The following MFSD12 variants were observed in gnomAD, a reference collection of about 807,000 sequenced individuals.
The protein encoded by MFSD12 is major facilitator superfamily domain containing 12.
A neutral mutation model predicts 51.2 loss-of-function variants in MFSD12; 67 were observed. The ratio of observed to expected loss-of-function variants is 1.31; its 90% CI spans 1.08 to 1.60. The LOEUF is 1.60. Ranked by LOEUF, MFSD12 falls within the 40% of genes most tolerant of loss-of-function variation. The pLI is 0.00. For synonymous variants in MFSD12, 441 were observed against 316.7 expected (o/e 1.39, Z -4.17); for missense variants, 921 against 673.0 (o/e 1.37, Z -4.08).
chr19:3,555,803 C>A (rs1236632636), intron 1 of MFSD12, among the ~76,000 whole-genome samples: 1 of 152,210 alleles, frequency 6.6e-6, no homozygotes, highest in Non-Finnish European at 1.5e-5. Context: ...GCTGAAATGC[C>A]ACATGTGTCC....
downstream of MFSD12, chr19:3,543,258 G>A (rs1237828990): frequency 6.5e-7 from 1 of 1,546,442 alleles, no homozygotes; most frequent in African/African-American, 1.4e-5. Context: ...TCCCTGGAGG[G>A]TTCCCGCTGG....
intron 6 of MFSD12, 53 bp from the exon 7 acceptor site, chr19:3,546,478 G>T (rs920905814): frequency 5.2e-6 from 8 of 1,543,604 alleles, no homozygotes; most frequent in Non-Finnish European, 6.1e-6. Context: ...CCCCAAGCCT[G>T]GCGCTTCAAT....
chr19:3,546,437 G>T lies in MFSD12; in HGVS notation c.1024-12C>A. 1.3e-6 allele frequency: 2 copies of T among 1,597,898 alleles called. No individual in the cohort carries two copies. The highest frequency in any genetic ancestry group is 1.7e-6 in the Non-Finnish European group (2 of 1,173,172). The stretch of plus-strand genomic sequence containing the variant: ...GAGAAGTAGGTCATCTGCAGGGACA[G>T]CCCCGGGGTCAGGCCCACACCACTG... On this transcript the variant is annotated splice_polypyrimidine_tract_variant and intron_variant, in intron 6 of 9. Coordinates refer to ENST00000355415, the MANE Select transcript of MFSD12 (RefSeq NM_174983.5).
At chr19:3,543,976 G>A (rs201115234), downstream of MFSD12, 812 of 1,548,738 alleles carry the variant, frequency 5.2e-4, 1 homozygote, top group Non-Finnish European at 6.6e-4. Context: ...ACCTGCCAGC[G>A]GTCCCCGCCT....
intron 8 of MFSD12, 146 bp from the exon 9 acceptor site, chr19:3,545,085 TC>T: frequency 9.1e-7 from 1 of 1,095,062 alleles, no homozygotes; most frequent in South Asian, 1.6e-5. Flanking sequence ...CTCCCTCCTG[TC>T]CCACACCCAA....
downstream of MFSD12, chr19:3,542,666 A>G: frequency 8.7e-7 from 1 of 1,146,068 alleles, no homozygotes. Context: ...TATTTTTAGT[A>G]GAGATGGGGT....
At chr19:3,543,146 C>T (rs1436673663), downstream of MFSD12, 2 of 1,513,238 alleles carry the variant, frequency 1.3e-6, no homozygotes, top group Admixed American at 2.0e-5. Context: ...GGCCAGGCCT[C>T]TACATCATCC....
intron 1 of MFSD12, among the ~76,000 whole-genome samples, chr19:3,554,448 AAC>A (rs1279400310): frequency 7.2e-6 from 1 of 139,662 alleles, no homozygotes; most frequent in African/African-American, 2.6e-5. Flanking sequence ...ACAACAACAA[AAC>A]AAAAAAAAAA....
At chr19:3,548,854 G>A (rs565642737) in intron 2 of MFSD12, among the ~76,000 whole-genome samples, 19 of 152,356 alleles carry the variant, frequency 1.2e-4, no homozygotes, top group Admixed American at 3.3e-4. Flanking sequence ...CAGGGGCCCT[G>A]GGCATTGGGC....
chr19:3,557,240 G>C lies in MFSD12; in HGVS notation c.164C>G (p.Ser55Cys), dbSNP rs913056015. 6.3e-7 allele frequency: 1 copy of C among 1,593,782 alleles called. No individual in the cohort carries two copies. Among genetic ancestry groups the C allele is most frequent in the Non-Finnish European group, 8.5e-7 (1 of 1,172,072 alleles). Reference sequence around the variant, plus strand: ...CAGCAGCAGCAGCCCCGCGCCGCGGGAGCTGTAGGCGCGCACCGAGTGCAG... The same window carrying C: ...CAGCAGCAGCAGCCCCGCGCCGCGGCAGCTGTAGGCGCGCACCGAGTGCAG... ...LYLHSVRAYS[S>C]RGAGLLLLLG... Residue 55 changes from serine (S) to cysteine (C), a missense_variant, in exon 1 of 10, where the codon TCC becomes TGC. Coordinates refer to ENST00000355415, the MANE Select transcript of MFSD12 (RefSeq NM_174983.5).
Position 3,551,252 on chromosome 19 carries a change from G to T in MFSD12, c.299-58C>A. ...GTCCCGCACCAGCCAGGGCTCCCAGGGTGAGGACATGGAGGGAGGAGAGAG... is the reference window on the plus strand; with the variant it reads ...GTCCCGCACCAGCCAGGGCTCCCAGTGTGAGGACATGGAGGGAGGAGAGAG... On this transcript the variant is annotated intron_variant, in intron 1 of 9. Coordinates refer to ENST00000355415, the MANE Select transcript of MFSD12 (RefSeq NM_174983.5). The surrounding 1 kb of genome is among the most constrained non-coding windows in gnomAD (Gnocchi z 4.6). 1 of 1,391,286 alleles carries T rather than the reference G, an allele frequency of 7.2e-7. No homozygotes were observed. Among genetic ancestry groups the T allele is most frequent in the Non-Finnish European group, 9.8e-7 (1 of 1,023,130 alleles). The allele number at this position is 1,391,286 out of a possible 1,614,324, so 86.2% of individuals were successfully genotyped here.
chr19:3,543,632 T>C, downstream of MFSD12: 1 of 1,543,738 alleles, frequency 6.5e-7, no homozygotes, highest in Non-Finnish European at 8.7e-7. Flanking sequence ...CAGCACCCGG[T>C]GGGGGAGCGC....
downstream of MFSD12, chr19:3,543,514 G>C (rs1329356563): frequency 5.2e-6 from 7 of 1,347,384 alleles, no homozygotes; most frequent in Non-Finnish European, 6.9e-6. Flanking sequence ...GGGCCTGCCA[G>C]AGGGGGACAG....
At chr19:3,557,046 C>G in intron 1 of MFSD12, 60 bp downstream of exon 1, 1 of 1,290,376 alleles carries the variant, frequency 7.7e-7, no homozygotes, top group Non-Finnish European at 9.8e-7. Flanking sequence ...AGGGAGGAGG[C>G]GCCCGGGTCG....
intron 2 of MFSD12, among the ~76,000 whole-genome samples, chr19:3,548,616 G>C (rs996227774): frequency 1.3e-5 from 2 of 152,208 alleles, no homozygotes; most frequent in African/African-American, 2.4e-5. Flanking sequence ...GGCGGCTAAA[G>C]GGCGAGGGCT....
chr19:3,543,411 TCCGCGAGGCCTACAA>T, downstream of MFSD12: 1 of 1,547,556 alleles, frequency 6.5e-7, no homozygotes, highest in South Asian at 1.2e-5. Context: ...GCCAGCCCCT[TCCGCGAGGCCTACAA>T]CCGCTGGCAC....
chr19:3,542,968 G>C, downstream of MFSD12: 1 of 1,543,542 alleles, frequency 6.5e-7, no homozygotes, highest in Non-Finnish European at 8.8e-7. Context: ...TCTTCTCCAG[G>C]CAAGAAAAGC....
At chr19:3,541,632 T>G, downstream of MFSD12, 1 of 984,610 alleles carries the variant, frequency 1.0e-6, no homozygotes, top group African/African-American at 1.7e-5. Context: ...AAGACCCTAT[T>G]TCTATTTTTT....
At chr19:3,544,990 C>G in intron 8 of MFSD12, 51 bp from the exon 9 acceptor site, 1 of 1,543,812 alleles carries the variant, frequency 6.5e-7, no homozygotes, top group Non-Finnish European at 8.7e-7. Context: ...CACCCCCCCG[C>G]CACCCAAGCT....
Sources: allele counts gnomAD v4.1 joint callset (sites outside exome capture counted in the v4.1 genomes callset), GRCh38; gene constraint gnomAD v4.1.1; non-coding constraint Gnocchi (gnomAD v3.1); transcripts MANE v1.5; gene names NCBI Gene and HGNC (gene_info 2026-07-23, HGNC 2026-07-21).